Variants in LCORL observed in about 807,000 individuals in gnomAD.
LCORL encodes the protein ligand dependent nuclear receptor corepressor like, also known as ligand-dependent nuclear receptor corepressor-like protein.
A neutral mutation model predicts 141.8 loss-of-function variants in LCORL; 41 were observed. The ratio of observed to expected loss-of-function variants is 0.29; its 90% CI spans 0.23 to 0.38. The LOEUF (loss-of-function observed/expected upper bound fraction) is 0.38, where lower values mean the gene tolerates loss of function less well. LCORL is among the 10% of genes least tolerant of loss of function. The pLI is 1.00. For missense variants in LCORL, 1,759 were observed against 2,035.0 expected (o/e 0.86, Z 2.61); for synonymous variants, 618 against 694.1 (o/e 0.89, Z 1.72).
intron 7 of LCORL, among the ~76,000 whole-genome samples, chr4:17,869,891 C>T (rs1726130284): frequency 6.6e-6 from 1 of 152,122 alleles, no homozygotes; most frequent in Admixed American, 6.5e-5. Flanking sequence ...AAGGCAAAAA[C>T]CTGGATGTTC....
intron 6 of LCORL, among the ~76,000 whole-genome samples, chr4:17,878,480 ATT>A (rs773636658): frequency 2.6e-5 from 4 of 151,588 alleles, no homozygotes; most frequent in East Asian, 1.9e-4. Context: ...ACATTTATAT[ATT>A]GTCTGTTTTT....
intron 5 of LCORL, among the ~76,000 whole-genome samples, chr4:17,906,662 G>C (rs1731669410): frequency 1.3e-5 from 2 of 150,872 alleles, no homozygotes; most frequent in African/African-American, 4.9e-5. Context: ...AAAGATCTAA[G>C]GACTGGAAAT....
chr4:17,989,119 C>G (rs886708177), intron 1 of LCORL, among the ~76,000 whole-genome samples: 3 of 152,232 alleles, frequency 2.0e-5, no homozygotes, highest in African/African-American at 7.2e-5. Flanking sequence ...TCTTACACTT[C>G]TATACAAATA....
At position 18,013,568 on chromosome 4, in the gene LCORL, CAAT is replaced by C. The variant is rs200102103; in HGVS notation, c.154+8027_154+8029del. On this transcript the variant is annotated intron_variant, in intron 1 of 7. Coordinates refer to ENST00000635767, the Ensembl canonical transcript of LCORL. The stretch of plus-strand genomic sequence containing the variant: ...GTGGAATGATTTGTGCCTAATGTTA[CAAT>C]GATAGGGGCTAAGAAGAAACTGGGT... Among the ~76,000 whole-genome samples the C allele has an allele frequency of 8.2e-3, 1,245 of 152,254 alleles. 5 individuals are homozygous for C. Among genetic ancestry groups the C allele is most frequent in the African/African-American group, 0.027 (1,142 of 41,546 alleles).
At chr4:17,895,520 C>T (rs2109269923) in intron 5 of LCORL, among the ~76,000 whole-genome samples, 1 of 152,252 alleles carries the variant, frequency 6.6e-6, no homozygotes, top group South Asian at 2.1e-4. Context: ...TAGTATTCCA[C>T]TTTGTATATA....
intron 7 of LCORL, among the ~76,000 whole-genome samples, chr4:17,847,357 T>C (rs1159900231): frequency 1.7e-4 from 26 of 152,192 alleles, no homozygotes; most frequent in South Asian, 2.1e-4. Context: ...CAGACTCCAG[T>C]AGATCTGTCC....
chr4:17,903,453 G>A (rs1259897417), intron 5 of LCORL, among the ~76,000 whole-genome samples: 4 of 151,990 alleles, frequency 2.6e-5, no homozygotes, highest in South Asian at 2.1e-4. Context: ...TTGTACATTG[G>A]AATTTAGGAG....
At chr4:17,961,324 A>G (rs915865949) in intron 4 of LCORL, among the ~76,000 whole-genome samples, 5 of 152,218 alleles carry the variant, frequency 3.3e-5, no homozygotes, top group Admixed American at 3.3e-4. Context: ...TGCTTGATAC[A>G]TGAGTGTAAA....
chr4:17,882,326 CAG>C, intron 6 of LCORL: 42 of 984,582 alleles, frequency 4.3e-5, no homozygotes, highest in Non-Finnish European at 5.1e-5. Flanking sequence ...AGGGGGCACT[CAG>C]AGAATTTTGA....
At chr4:18,004,927 C>CTT (rs553420080) in intron 1 of LCORL, among the ~76,000 whole-genome samples, 1 of 143,058 alleles carries the variant, frequency 7.0e-6, no homozygotes. Flanking sequence ...GCAGTCAAAG[C>CTT]TTTTTTTTTT....
At position 18,021,717 on chromosome 4, in the gene LCORL, G is replaced by T; in HGVS notation, c.35C>A (p.Ala12Asp). ...GGCGGCGGCGGCGGCAGCAGCGGCG[G>T]CGGCAGCGGCCATTCTCTCTCTTCC... The change falls in exon 1 of 8, where the codon GCC (alanine) becomes GAC (aspartate). Residue 12 changes from alanine to aspartate, a missense_variant. Ala to Asp is a moderately radical substitution (Grantham distance 126). This residue lies in a region of LCORL where 86 missense variants were observed against 61.8 expected (regional missense o/e 1.39). Transcript: ENST00000635767. This position sits in a 1 kb window ranked among gnomAD's most constrained non-coding sequence, Gnocchi z 5.5. 2 of 1,526,570 alleles carry T rather than the reference G, an allele frequency of 1.3e-6. No individual in the cohort carries two copies. Among genetic ancestry groups the T allele is most frequent in the Admixed American group, 2.1e-5 (1 of 47,216 alleles). The allele number at this position is 1,526,570 out of a possible 1,614,324, so 94.6% of individuals were successfully genotyped here.
chr4:17,980,592 T>C (rs1426860660), intron 1 of LCORL, among the ~76,000 whole-genome samples: 1 of 152,210 alleles, frequency 6.6e-6, no homozygotes, highest in Admixed American at 6.5e-5. Context: ...TTAGCTTGGG[T>C]ATTCTCAACT....
chr4:17,913,864 A>G (rs756763144), intron 4 of LCORL, among the ~76,000 whole-genome samples: 3 of 152,256 alleles, frequency 2.0e-5, no homozygotes, highest in Non-Finnish European at 2.9e-5. Flanking sequence ...AGTTCTTTCC[A>G]GTATGGACTA....
At chr4:17,949,817 G>A (rs561453407) in intron 4 of LCORL, among the ~76,000 whole-genome samples, 4 of 152,234 alleles carry the variant, frequency 2.6e-5, no homozygotes, top group African/African-American at 9.6e-5. Flanking sequence ...GATGTACAGA[G>A]GGGTTTGAGA....
intron 1 of LCORL, among the ~76,000 whole-genome samples, chr4:17,984,544 T>C (rs572105673): frequency 6.6e-6 from 1 of 152,278 alleles, no homozygotes; most frequent in South Asian, 2.1e-4. Flanking sequence ...CTAGGTTTTC[T>C]AGTTTGTATG....
exon 8 of LCORL, chr4:17,842,610 A>G (rs553490120): frequency 2.4e-6 from 1 of 424,576 alleles, no homozygotes; most frequent in South Asian, 3.2e-5. Flanking sequence ...ACTATCTTTA[A>G]TATGTTGTTT....
At chr4:17,967,468 T>C (rs1436615791) in intron 2 of LCORL, among the ~76,000 whole-genome samples, 1 of 152,174 alleles carries the variant, frequency 6.6e-6, no homozygotes, top group Non-Finnish European at 1.5e-5. Flanking sequence ...TACAGGGACC[T>C]GAAGGCAGAG....
intron 5 of LCORL, among the ~76,000 whole-genome samples, chr4:17,890,578 A>G (rs1011550231): frequency 6.6e-6 from 1 of 152,068 alleles, no homozygotes; most frequent in African/African-American, 2.4e-5. Context: ...TTTTACTAAC[A>G]TTTAATAAAT....
chr4:17,883,756 C>T (rs1386677793), intron 6 of LCORL: 1 of 1,544,598 alleles, frequency 6.5e-7, no homozygotes, highest in African/African-American at 1.4e-5. Flanking sequence ...AGCTGCCAGT[C>T]CCTGAATCTG....
Sources: gnomAD v4.1 joint callset for allele counts (sites outside exome capture counted in the v4.1 genomes callset) on GRCh38, gnomAD v4.1.1 for gene constraint, gnomAD v4.1.1 regional missense constraint, Gnocchi (gnomAD v3.1) non-coding constraint, MANE v1.5 for transcripts, NCBI Gene and HGNC (gene_info 2026-07-23, HGNC 2026-07-21) for gene names.